Variants in NMNAT2 observed in about 807,000 individuals in gnomAD.
NMNAT2 encodes the protein nicotinamide nucleotide adenylyltransferase 2, also known as nicotinamide/nicotinic acid mononucleotide adenylyltransferase 2.
A neutral mutation model predicts 41.6 loss-of-function variants in NMNAT2; 11 were observed. The ratio of observed to expected loss-of-function variants is 0.26; its 90% CI spans 0.17 to 0.44. NMNAT2 has a LOEUF of 0.44. NMNAT2 is among the 20% of genes least tolerant of loss of function. The pLI, the probability that NMNAT2 is intolerant of heterozygous loss-of-function variation, is 1.00. For missense variants in NMNAT2, 288 were observed against 407.7 expected (o/e 0.71, Z 2.53); for synonymous variants, 148 against 151.2 (o/e 0.98, Z 0.16).
In NMNAT2 at chr1:183,372,382, G is replaced by A. The variant is rs185273972; in HGVS notation, c.85+45801C>T. ...ACCACAGAAAGTGACAGGAAAAGTC[G>A]AAGGAGAGAACAGCAAAGCCAGAGA... On this transcript the variant is annotated intron_variant, in intron 1 of 10. Transcript: ENST00000287713. Among the ~76,000 whole-genome samples, 100 of 152,274 alleles carry A rather than the reference G, an allele frequency of 6.6e-4. No homozygotes were observed. In the Middle Eastern group the frequency reaches 0.01, roughly 16 times the overall value.
intron 1 of NMNAT2, among the ~76,000 whole-genome samples, chr1:183,356,315 A>G (rs146386294): frequency 1.3e-5 from 2 of 152,294 alleles, no homozygotes; most frequent in East Asian, 3.9e-4. Flanking sequence ...GTTCCCCATA[A>G]GTCATAGACA....
chr1:183,393,712 C>A (rs142252896), intron 1 of NMNAT2, among the ~76,000 whole-genome samples: 5 of 152,178 alleles, frequency 3.3e-5, no homozygotes, highest in South Asian at 4.1e-4. Flanking sequence ...CACACCACCA[C>A]GCCCGGCTAA....
At chr1:183,385,354 C>T (rs1648189028) in intron 1 of NMNAT2, among the ~76,000 whole-genome samples, 1 of 152,182 alleles carries the variant, frequency 6.6e-6, no homozygotes, top group South Asian at 2.1e-4. Context: ...CCCACAGACA[C>T]CAGAAATTTC....
At chr1:183,341,000 C>G (rs1385295512) in intron 1 of NMNAT2, among the ~76,000 whole-genome samples, 1 of 152,222 alleles carries the variant, frequency 6.6e-6, no homozygotes, top group African/African-American at 2.4e-5. Context: ...GAGGCAACAC[C>G]CGTCCTTGGT....
chr1:183,318,676 A>T (rs1254147401), intron 1 of NMNAT2, among the ~76,000 whole-genome samples: 1 of 152,200 alleles, frequency 6.6e-6, no homozygotes, highest in African/African-American at 2.4e-5. Context: ...GCCTTGAGCC[A>T]GAGGCCACGG....
At chr1:183,351,933 C>A (rs1663053684) in intron 1 of NMNAT2, among the ~76,000 whole-genome samples, 1 of 152,116 alleles carries the variant, frequency 6.6e-6, no homozygotes, top group Non-Finnish European at 1.5e-5. Flanking sequence ...CTGTAAATGA[C>A]CTGAGCATCA....
At chr1:183,339,322 C>A (rs1662745599) in intron 1 of NMNAT2, among the ~76,000 whole-genome samples, 1 of 152,122 alleles carries the variant, frequency 6.6e-6, no homozygotes, top group African/African-American at 2.4e-5. Context: ...TGGTCTCAAT[C>A]TCCTGACCTC....
At chr1:183,404,940 G>C (rs1049261182) in intron 1 of NMNAT2, among the ~76,000 whole-genome samples, 6 of 152,210 alleles carry the variant, frequency 3.9e-5, no homozygotes, top group Admixed American at 2.0e-4. Context: ...AGGATCTCAG[G>C]CCGGGCGAGG....
At chr1:183,306,188 C>T (rs927757222) in intron 1 of NMNAT2, among the ~76,000 whole-genome samples, 1 of 152,194 alleles carries the variant, frequency 6.6e-6, no homozygotes, top group East Asian at 1.9e-4. Context: ...TAGTCCCCGA[C>T]AAACTGTGTT....
intron 1 of NMNAT2, among the ~76,000 whole-genome samples, chr1:183,355,333 G>A (rs1188226802): frequency 1.3e-5 from 2 of 152,208 alleles, no homozygotes; most frequent in African/African-American, 4.8e-5. Flanking sequence ...GGTTCTCCAA[G>A]TGTGTTTCCA....
intron 1 of NMNAT2, among the ~76,000 whole-genome samples, chr1:183,345,902 G>A (rs1016067362): frequency 6.6e-6 from 1 of 152,056 alleles, no homozygotes; most frequent in African/African-American, 2.4e-5. Flanking sequence ...TCGCCAGGAT[G>A]GTCTCGATCT....
At chr1:183,321,528 G>T (rs1328187535) in intron 1 of NMNAT2, among the ~76,000 whole-genome samples, 1 of 152,028 alleles carries the variant, frequency 6.6e-6, no homozygotes. Context: ...ATCTACTTGA[G>T]GTCAGGAGTT....
chr1:183,373,020 G>A (rs553583326), intron 1 of NMNAT2, among the ~76,000 whole-genome samples: 16 of 152,318 alleles, frequency 1.1e-4, no homozygotes, highest in Middle Eastern at 3.4e-3. Context: ...TCAAGTCCAG[G>A]CCCAGATGTC....
intron 1 of NMNAT2, among the ~76,000 whole-genome samples, chr1:183,349,676 G>T (rs554678419): frequency 6.6e-6 from 1 of 152,336 alleles, no homozygotes; most frequent in South Asian, 2.1e-4. Context: ...GGCAGCAGTG[G>T]GTGGCCTGGG....
At position 183,365,243 on chromosome 1, in the gene NMNAT2, A is replaced by T. The variant is rs553669550; in HGVS notation, c.85+52940T>A. Reference sequence around the variant, plus strand: ...TGAGAGAGTGAGAAGAACCCTTTGCATTGCTTTTCTTTCTCAGTGGTCGGA... The same window carrying T: ...TGAGAGAGTGAGAAGAACCCTTTGCTTTGCTTTTCTTTCTCAGTGGTCGGA... On this transcript the variant is annotated intron_variant, in intron 1 of 10. Transcript: ENST00000287713. 5.9e-5 allele frequency among the ~76,000 whole-genome samples: 9 copies of T among 151,880 alleles called. No individual in the cohort carries two copies. The East Asian group carries it at 1.6e-3, about 26-fold the overall frequency.
rs1406067914 is a variant in NMNAT2 at position 183,287,746 on chromosome 1, C to A, written c.322-958G>T. 2.6e-5 allele frequency among the ~76,000 whole-genome samples: 4 copies of A among 152,326 alleles called. No homozygotes were observed. In the East Asian group the frequency reaches 7.7e-4, roughly 29 times the overall value. ...TTCCAAAAGCCAGCTGCCTGGGTAC[C>A]CACCACCCACTCCTGCACGCTACCC... is the stretch of plus-strand genomic sequence containing the variant. On this transcript the variant is annotated intron_variant, in intron 4 of 10. Transcript: ENST00000287713.
intron 1 of NMNAT2, among the ~76,000 whole-genome samples, chr1:183,323,168 G>A (rs186503203): frequency 2.2e-3 from 339 of 152,204 alleles, no homozygotes; most frequent in Non-Finnish European, 3.5e-3. Context: ...CTGACCTCAG[G>A]TGATCCACCC....
intron 1 of NMNAT2, among the ~76,000 whole-genome samples, chr1:183,314,644 C>T (rs1272936363): frequency 6.6e-6 from 1 of 152,218 alleles, no homozygotes; most frequent in African/African-American, 2.4e-5. Flanking sequence ...TTTGACAATA[C>T]TCAACAAGCA....
At position 183,252,301 on chromosome 1, in the gene NMNAT2, C is replaced by T. The variant is rs978217180; in HGVS notation, c.*340G>A. Reference sequence around the variant, plus strand: ...ATGCTGGGAGGATGGGCACCAGAGCCGCCTCCCCAGAGCGTGCTGGGAGGA... The same window carrying T: ...ATGCTGGGAGGATGGGCACCAGAGCTGCCTCCCCAGAGCGTGCTGGGAGGA... On this transcript the variant is annotated 3_prime_UTR_variant, in exon 11 of 11. Transcript: ENST00000287713. 10 of 254,004 alleles carry T rather than the reference C, an allele frequency of 3.9e-5. No individual in the cohort carries two copies. Among genetic ancestry groups the T allele is most frequent in the Non-Finnish European group, 6.1e-5 (8 of 131,284 alleles). The allele number at this position is 254,004 out of a possible 1,614,324, so 15.7% of individuals were successfully genotyped here. A position where few individuals can be genotyped will look rare whatever the true frequency, so the allele number is the denominator to read the frequency against.
Sources: gnomAD v4.1 joint callset for allele counts (sites outside exome capture counted in the v4.1 genomes callset) on GRCh38, gnomAD v4.1.1 for gene constraint, MANE v1.5 for transcripts, NCBI Gene and HGNC (gene_info 2026-07-23, HGNC 2026-07-21) for gene names.